The following LRBA variants were observed in gnomAD, a reference collection of about 807,000 sequenced individuals.
LRBA encodes lipopolysaccharide-responsive and beige-like anchor protein.
Under a neutral mutation model 330.0 loss-of-function variants are expected in LRBA, and 176 were observed. The observed-to-expected ratio is 0.53, with a 90% CI of 0.47 to 0.60. The LOEUF (loss-of-function observed/expected upper bound fraction) is 0.60, where lower values mean the gene tolerates loss of function less well. Among genes scored for constraint, LRBA ranks in the 20% least tolerant of loss-of-function variants. The probability of loss-of-function intolerance (pLI) is 0.00; values close to 1 mark genes in which losing one functional copy is unlikely to be tolerated. For missense variants in LRBA, 3,259 were observed against 3,444.8 expected (o/e 0.95, Z 1.35); for synonymous variants, 1,230 against 1,193.0 (o/e 1.03, Z -0.64).
chr4:150,896,503 GTT>G, intron 15 of LRBA, 47 bp from the exon 16 acceptor site: 1 of 984,302 alleles, frequency 1.0e-6, no homozygotes, highest in Non-Finnish European at 1.6e-6. Context: ...GTAAAAAAAT[GTT>G]TAAAGAGAAA....
chr4:150,282,681 T>G (rs1250726737), intron 54 of LRBA, 35 bp from the exon 55 acceptor site: 5 of 1,427,424 alleles, frequency 3.5e-6, no homozygotes, highest in Middle Eastern at 2.1e-4. Flanking sequence ...GCAAAATTAT[T>G]GAATGAAAAC....
chr4:150,543,762 A>G (rs900466089), intron 40 of LRBA, among the ~76,000 whole-genome samples: 2 of 152,178 alleles, frequency 1.3e-5, no homozygotes, highest in African/African-American at 4.8e-5. Context: ...GACAATCATC[A>G]CATCAAAATA....
At chr4:150,955,581 C>T (rs547382222) in intron 2 of LRBA, among the ~76,000 whole-genome samples, 2 of 148,112 alleles carry the variant, frequency 1.4e-5, no homozygotes, top group East Asian at 3.9e-4. Flanking sequence ...AAGGCAAACC[C>T]CCATCTCAAT....
intron 50 of LRBA, among the ~76,000 whole-genome samples, chr4:150,317,176 TTGATAGTCAAGAA>T (rs1731831229): frequency 1.3e-5 from 2 of 152,128 alleles, no homozygotes; most frequent in Admixed American, 1.3e-4. Context: ...CAGTTTCCTT[TTGATAGTCAAGAA>T]ACTGCTGCCT....
intron 2 of LRBA, among the ~76,000 whole-genome samples, chr4:150,942,134 T>C (rs1561035875): frequency 6.6e-6 from 1 of 152,160 alleles, no homozygotes; most frequent in Non-Finnish European, 1.5e-5. Flanking sequence ...TTCCTAATTA[T>C]CAGGTACTAG....
chr4:150,468,542 A>T (rs1343266581), intron 43 of LRBA, among the ~76,000 whole-genome samples: 2 of 152,070 alleles, frequency 1.3e-5, no homozygotes, highest in Non-Finnish European at 2.9e-5. Flanking sequence ...TTAGGGAGGT[A>T]GCATAGTGGG....
intron 2 of LRBA, among the ~76,000 whole-genome samples, chr4:150,989,531 T>C (rs556164731): frequency 9.7e-4 from 148 of 152,160 alleles, no homozygotes; most frequent in Admixed American, 1.7e-3. Flanking sequence ...GAGAATCGCT[T>C]GAACCCGGAA....
At chr4:150,490,141 C>A (rs547726175) in intron 41 of LRBA, among the ~76,000 whole-genome samples, 77 of 151,734 alleles carry the variant, frequency 5.1e-4, no homozygotes, top group Non-Finnish European at 8.3e-4. Flanking sequence ...AGGGAAAAAT[C>A]TTTTCCTAAA....
chr4:150,681,453 G>A (rs1482858570), intron 37 of LRBA, among the ~76,000 whole-genome samples: 1 of 152,064 alleles, frequency 6.6e-6, no homozygotes, highest in Non-Finnish European at 1.5e-5. Context: ...ATATTGAAAA[G>A]GACTATTTAA....
chr4:150,806,447 G>T (rs746738035), intron 32 of LRBA, 43 bp from the exon 33 acceptor site: 1 of 1,350,562 alleles, frequency 7.4e-7, no homozygotes, highest in Non-Finnish European at 9.8e-7. Flanking sequence ...TCAACAGATT[G>T]TATCAATTTT....
At chr4:150,317,164 AAC>A (rs1399309158) in intron 50 of LRBA, among the ~76,000 whole-genome samples, 3 of 152,094 alleles carry the variant, frequency 2.0e-5, no homozygotes, top group Non-Finnish European at 2.9e-5. Context: ...CAGCTATTTC[AAC>A]AGTTTCCTTT....
At chr4:150,536,093 T>C (rs76679726) in intron 40 of LRBA, among the ~76,000 whole-genome samples, 1 of 152,070 alleles carries the variant, frequency 6.6e-6, no homozygotes, top group Admixed American at 6.6e-5. Context: ...GGTAGGACAC[T>C]CTACAGAACA....
intron 40 of LRBA, among the ~76,000 whole-genome samples, chr4:150,562,539 G>C (rs190370815): frequency 1.3e-5 from 2 of 152,232 alleles, no homozygotes; most frequent in Non-Finnish European, 2.9e-5. Flanking sequence ...AGAGGACAGA[G>C]GAGAAAGTAA....
At chr4:150,713,150 G>A (rs1236604339) in intron 36 of LRBA, among the ~76,000 whole-genome samples, 1 of 152,010 alleles carries the variant, frequency 6.6e-6, no homozygotes, top group East Asian at 1.9e-4. Context: ...TACTCATGCT[G>A]GTCTCAAACT....
chr4:150,876,896 C>T (rs1327935870), intron 17 of LRBA, among the ~76,000 whole-genome samples: 1 of 152,112 alleles, frequency 6.6e-6, no homozygotes, highest in East Asian at 1.9e-4. Context: ...AATGCCCCCA[C>T]TCAAAAGACA....
At chr4:150,752,341 T>A (rs1339850607) in intron 35 of LRBA, among the ~76,000 whole-genome samples, 1 of 152,120 alleles carries the variant, frequency 6.6e-6, no homozygotes, top group African/African-American at 2.4e-5. Flanking sequence ...CCTAAACTGT[T>A]ATCTCTCTGC....
chr4:150,889,521 C>G (rs1397937605), intron 17 of LRBA, among the ~76,000 whole-genome samples: 1 of 152,180 alleles, frequency 6.6e-6, no homozygotes, highest in Non-Finnish European at 1.5e-5. Context: ...GCATTACTGC[C>G]TGAGCTCTGC....
In LRBA at chr4:150,302,653, T is replaced by C; in HGVS notation, c.7989A>G (p.Lys2663=). 1 of 1,611,740 alleles carries C rather than the reference T, an allele frequency of 6.2e-7. No homozygotes were observed. The highest frequency in any genetic ancestry group is 8.5e-7 in the Non-Finnish European group (1 of 1,178,726). Residue 2663 remains lysine, a synonymous_variant, in exon 53 of 57, where the codon AAA becomes AAG. Transcript: ENST00000651943. ...ATLLLWYWNG[K]CSGIGDNPGS... ...CTGGGTTATCTCCAATCCCACTGCA[T>C]TTTCCATTCCAATACCACAGCAAAA...
At chr4:150,816,460 T>G (rs1560859864) in intron 31 of LRBA, among the ~76,000 whole-genome samples, 3 of 152,064 alleles carry the variant, frequency 2.0e-5, no homozygotes, top group African/African-American at 7.2e-5. Flanking sequence ...TTCCCATCAA[T>G]GTATAGGATC....
Sources: allele counts gnomAD v4.1 joint callset (sites outside exome capture counted in the v4.1 genomes callset), GRCh38; gene constraint gnomAD v4.1.1; transcripts MANE v1.5; gene names NCBI Gene and HGNC (gene_info 2026-07-23, HGNC 2026-07-21).